MS4A4E: variants seen among roughly 807,000 people sequenced by gnomAD.
MS4A4E encodes putative membrane-spanning 4-domains subfamily A member 4E.
Under a neutral mutation model 13.3 loss-of-function variants are expected in MS4A4E, and 23 were observed. The observed-to-expected ratio is 1.73, with a 90% CI of 1.25 to 2.45. The LOEUF (loss-of-function observed/expected upper bound fraction) is 2.45. Ranked by LOEUF, MS4A4E falls within the 30% of genes most tolerant of loss-of-function variation. The pLI, the probability that MS4A4E is intolerant of heterozygous loss-of-function variation, is 0.00. For synonymous variants in MS4A4E, 36 were observed against 45.6 expected, an observed-to-expected ratio of 0.79 and a Z score of 0.85; for missense variants, 144 against 131.2, an observed-to-expected ratio of 1.10 and a Z score of -0.48.
chr11:60,228,610 C>T lies in MS4A4E; in HGVS notation c.162G>A (p.Lys54=), dbSNP rs1181902992. ...PKVLGVLCGH[K]FSTHSVSLSV... ...CATACTTACCCGAATGAGTTGAAAACTTATGTCCACACAAAACCTGCACAC... is the reference window on the plus strand; with the variant it reads ...CATACTTACCCGAATGAGTTGAAAATTTATGTCCACACAAAACCTGCACAC... The change falls in exon 3 of 9, where the codon AAG becomes AAA. Residue 54 remains lysine, a synonymous_variant. Coordinates refer to ENST00000651255, the MANE Select transcript of MS4A4E (RefSeq NM_001393391.1). The T allele has an allele frequency of 2.9e-6, 2 of 698,376 alleles. No homozygotes were observed. The highest frequency in any genetic ancestry group is 5.2e-6 in the Non-Finnish European group (2 of 382,916). 43.3% of individuals were successfully genotyped at this position (698,376 alleles called of 1,614,324 possible). A position where few individuals can be genotyped will look rare whatever the true frequency, so the allele number is the denominator to read the frequency against.
intron 3 of MS4A4E, among the ~76,000 whole-genome samples, chr11:60,217,586 A>G (rs2134938370): frequency 6.6e-6 from 1 of 152,300 alleles, no homozygotes; most frequent in South Asian, 2.1e-4. Flanking sequence ...GGACCGGCTG[A>G]AGCCATGGCA....
chr11:60,239,690 C>G (rs990866578), intron 1 of MS4A4E, among the ~76,000 whole-genome samples: 1 of 152,160 alleles, frequency 6.6e-6, no homozygotes, highest in Non-Finnish European at 1.5e-5. Context: ...CCCTCCTCTT[C>G]CTCTTGTAAT....
In MS4A4E at chr11:60,221,018, A is replaced by T. The variant is rs1239286637; in HGVS notation, c.179-6404T>A. Among the ~76,000 whole-genome samples the T allele has an allele frequency of 2.0e-5, 3 of 152,210 alleles. No individual in the cohort carries two copies. In the East Asian group the frequency reaches 5.8e-4, roughly 29 times the overall value. On this transcript the variant is annotated intron_variant, in intron 3 of 8. Coordinates refer to ENST00000651255, the MANE Select transcript of MS4A4E (RefSeq NM_001393391.1). ...TAATTGTGCTTGAGGTGTCAGCAGC[A>T]GAGAGGGATGCTGTTAGGAGCCTTT...
At chr11:60,237,043 C>T (rs2084492590) in intron 1 of MS4A4E, among the ~76,000 whole-genome samples, 2 of 152,092 alleles carry the variant, frequency 1.3e-5, no homozygotes, top group Admixed American at 6.6e-5. Context: ...ACCATATCAC[C>T]CATGTTTTAA....
In MS4A4E at chr11:60,201,440, G is replaced by A. The variant is rs1327344726; in HGVS notation, c.*103C>T. 20 of 209,708 alleles carry A rather than the reference G, an allele frequency of 9.5e-5. No individual in the cohort carries two copies. Among genetic ancestry groups the A allele is most frequent in the Non-Finnish European group, 1.7e-4 (17 of 102,054 alleles). 13.0% of individuals were successfully genotyped at this position (209,708 alleles called of 1,614,324 possible). ...GGTCTCCTCCCTTCTCAGATGGGGCGGCTGGGCAGAGACGCTCCTCACCTC... is the reference window on the plus strand; with the variant it reads ...GGTCTCCTCCCTTCTCAGATGGGGCAGCTGGGCAGAGACGCTCCTCACCTC... On this transcript the variant is annotated 3_prime_UTR_variant, in exon 9 of 9. Coordinates refer to ENST00000651255, the MANE Select transcript of MS4A4E (RefSeq NM_001393391.1).
chr11:60,201,529 G>A lies in MS4A4E; in HGVS notation c.*14C>T. On this transcript the variant is annotated 3_prime_UTR_variant, in exon 9 of 9. Coordinates refer to ENST00000651255, the MANE Select transcript of MS4A4E (RefSeq NM_001393391.1). ...TCCCAGACAGGGCGGTGGGGCAAAG[G>A]CGCTCCCCACATCTCAGAAGATGGG... is the stretch of plus-strand genomic sequence containing the variant. 1 of 290,254 alleles carries A rather than the reference G, an allele frequency of 3.4e-6. No homozygotes were observed. The highest frequency in any genetic ancestry group is 6.9e-6 in the Non-Finnish European group (1 of 144,206). 18.0% of individuals were successfully genotyped at this position (290,254 alleles called of 1,614,324 possible). A position where few individuals can be genotyped will look rare whatever the true frequency, so the allele number is the denominator to read the frequency against.
At chr11:60,240,241 T>C (rs995668779) in intron 1 of MS4A4E, among the ~76,000 whole-genome samples, 1 of 152,238 alleles carries the variant, frequency 6.6e-6, no homozygotes, top group Non-Finnish European at 1.5e-5. Context: ...CTGTGTTAAA[T>C]GTCTGGTAGT....
At chr11:60,234,393 A>T (rs2084453584) in intron 1 of MS4A4E, among the ~76,000 whole-genome samples, 1 of 152,178 alleles carries the variant, frequency 6.6e-6, no homozygotes, top group South Asian at 2.1e-4. Flanking sequence ...TGAAAACTTA[A>T]TTGCCATTGT....
rs2084387967 is a variant in MS4A4E, at chr11:60,229,975, T to TATGA, written c.77_80dup (p.Ser29ThrfsTer6). On this transcript the variant is annotated frameshift_variant, in exon 2 of 9. Coordinates refer to ENST00000651255, the MANE Select transcript of MS4A4E (RefSeq NM_001393391.1). LOFTEE classifies it high-confidence loss of function. ...GCAATCCTTTACACAGATATGAATG[T>TATGA]ATGACATCTATGTTTCCCAGCTGGG... 1.2e-6 allele frequency: 2 copies of TATGA among 1,613,666 alleles called. No homozygotes were observed.
In MS4A4E at chr11:60,229,922, T is replaced by C; in HGVS notation, c.134A>G (p.Lys45Arg). ...TTGCAATTGACTTACCCCAAGGACT[T>C]TGGGTTTCCTCTTGAAGAACTTCTC... ...LQEKFFKRKP[K>R]VLGVLCGHKF... The change falls in exon 2 of 9, where the codon AAA (lysine) becomes AGA (arginine). Residue 45 changes from lysine to arginine, a missense_variant. Physicochemically the swap from Lys to Arg is conservative, Grantham distance 26 (BLOSUM62 2). Around this residue, in one of 3 missense-constraint regions of MS4A4E, gnomAD observed 119 missense variants for 88.7 expected, o/e 1.34. Transcript: ENST00000651255. The C allele has an allele frequency of 6.2e-7, 1 of 1,606,460 alleles. No individual in the cohort carries two copies. The highest frequency in any genetic ancestry group is 1.1e-5 in the South Asian group (1 of 90,078).
intron 1 of MS4A4E, among the ~76,000 whole-genome samples, chr11:60,233,172 C>T (rs1344462682): frequency 1.3e-5 from 2 of 151,328 alleles, no homozygotes; most frequent in Non-Finnish European, 2.9e-5. Context: ...TGAGGCCTTG[C>T]TGCTGCTACA....
chr11:60,205,369 T>G (rs1201968634), intron 7 of MS4A4E, among the ~76,000 whole-genome samples: 1 of 152,228 alleles, frequency 6.6e-6, no homozygotes, highest in Admixed American at 6.5e-5. Context: ...TCTTATATGC[T>G]TAAAACAATG....
chr11:60,209,335 T>C (rs2084090279), intron 5 of MS4A4E, among the ~76,000 whole-genome samples: 1 of 152,160 alleles, frequency 6.6e-6, no homozygotes, highest in Admixed American at 6.5e-5. Flanking sequence ...CTGCATTGCT[T>C]GATTTGAAGG....
chr11:60,222,774 T>C (rs1255464533), intron 3 of MS4A4E, among the ~76,000 whole-genome samples: 1 of 152,020 alleles, frequency 6.6e-6, no homozygotes, highest in Non-Finnish European at 1.5e-5. Context: ...ACCTGGCCAT[T>C]TTGGGCTCCT....
intron 2 of MS4A4E, among the ~76,000 whole-genome samples, chr11:60,228,877 T>C (rs916064601): frequency 6.6e-6 from 1 of 152,260 alleles, no homozygotes; most frequent in African/African-American, 2.4e-5. Context: ...TATGACTTTC[T>C]GGAAAAGGCA....
intron 4 of MS4A4E, 122 bp from the exon 5 acceptor site, chr11:60,213,254 T>TTGTCTCCA: frequency 6.5e-7 from 1 of 1,530,148 alleles, no homozygotes; most frequent in South Asian, 1.2e-5. Flanking sequence ...TGTCTCCTTA[T>TTGTCTCCA]AGTGGTTTCA....
At chr11:60,235,140 A>G (rs1406076928) in intron 1 of MS4A4E, among the ~76,000 whole-genome samples, 1 of 152,220 alleles carries the variant, frequency 6.6e-6, no homozygotes, top group Non-Finnish European at 1.5e-5. Context: ...AGTTTTTGAG[A>G]CAGGGTCTCA....
chr11:60,219,673 T>A (rs972564531), intron 3 of MS4A4E, among the ~76,000 whole-genome samples: 10 of 152,098 alleles, frequency 6.6e-5, no homozygotes, highest in Admixed American at 3.9e-4. Flanking sequence ...CTACTGACAA[T>A]TTATGTTGTT....
intron 7 of MS4A4E, among the ~76,000 whole-genome samples, chr11:60,205,415 G>A (rs599862): frequency 0.4 from 60,912 of 151,968 alleles, 12,657 homozygotes; most frequent in East Asian, 0.41. Flanking sequence ...AATATATGCT[G>A]AATAAAATGA....
Sources: gnomAD v4.1 joint callset for allele counts (sites outside exome capture counted in the v4.1 genomes callset) on GRCh38, gnomAD v4.1.1 for gene constraint, gnomAD v4.1.1 regional missense constraint, MANE v1.5 for transcripts, NCBI Gene and HGNC (gene_info 2026-07-23, HGNC 2026-07-21) for gene names.